Variants in GRM7 observed in about 807,000 individuals in gnomAD.
GRM7 encodes the protein metabotropic glutamate receptor 7.
A neutral mutation model predicts 84.5 loss-of-function variants in GRM7; 35 were observed. The observed-to-expected ratio is 0.41, with a 90% CI of 0.32 to 0.55. The LOEUF (loss-of-function observed/expected upper bound fraction) is 0.55, where lower values mean the gene tolerates loss of function less well. Ranked by LOEUF, GRM7 falls within the 20% of genes least tolerant of loss-of-function variation. The probability of loss-of-function intolerance (pLI) is 0.19; values close to 1 mark genes in which losing one functional copy is unlikely to be tolerated. For missense variants in GRM7, 1,003 were observed against 1,194.6 expected, an observed-to-expected ratio of 0.84 and a Z score of 2.36; for synonymous variants, 487 against 455.1, an observed-to-expected ratio of 1.07 and a Z score of -0.89.
intron 5 of GRM7, among the ~76,000 whole-genome samples, chr3:7,444,613 G>T (rs1038353487): frequency 1.3e-5 from 2 of 152,028 alleles, no homozygotes; most frequent in Non-Finnish European, 1.5e-5. Context: ...CCTTTCACAT[G>T]TTTGGAGTGT....
In GRM7 at chr3:7,700,112, G is replaced by T. The variant is rs573182781; in HGVS notation, c.2698+19817G>T. On this transcript the variant is annotated intron_variant, in intron 9 of 9. Coordinates refer to ENST00000357716, the MANE Select transcript of GRM7 (RefSeq NM_000844.4). The stretch of plus-strand genomic sequence containing the variant: ...TTTAGCAGAATCATCTAGGACTTTT[G>T]GGAGATCAGATCTCCTTTGGAACCT... 2.0e-5 allele frequency among the ~76,000 whole-genome samples: 3 copies of T among 152,220 alleles called. No individual in the cohort carries two copies. In the East Asian group the frequency reaches 5.8e-4, roughly 29 times the overall value.
intron 4 of GRM7, among the ~76,000 whole-genome samples, chr3:7,352,041 C>G (rs1356783710): frequency 5.7e-5 from 7 of 123,160 alleles, no homozygotes; most frequent in Admixed American, 3.8e-4. Context: ...CTCTCTCTCT[C>G]ACACACACAC....
intron 4 of GRM7, among the ~76,000 whole-genome samples, chr3:7,402,085 C>T (rs9815565): frequency 2.4e-4 from 36 of 152,064 alleles, no homozygotes; most frequent in African/African-American, 8.2e-4. Context: ...GACTCATCTC[C>T]CCAGGCAAAC....
chr3:7,134,800 A>G (rs1351012692), intron 1 of GRM7, among the ~76,000 whole-genome samples: 3 of 152,198 alleles, frequency 2.0e-5, no homozygotes, highest in Admixed American at 1.3e-4. Flanking sequence ...ATTTCCACCT[A>G]TAACAGGTTG....
At chr3:6,957,542 C>T (rs1448080504) in intron 1 of GRM7, among the ~76,000 whole-genome samples, 1 of 152,174 alleles carries the variant, frequency 6.6e-6, no homozygotes, top group African/African-American at 2.4e-5. Context: ...TGTATTTCAC[C>T]TTCGTGTAGG....
Position 6,946,904 on chromosome 3 carries a change from T to A in GRM7, c.519+84997T>A, listed in dbSNP as rs1333052416. Among the ~76,000 whole-genome samples, 8 of 152,352 alleles carry A rather than the reference T, an allele frequency of 5.3e-5. No homozygotes were observed. The East Asian group carries it at 1.5e-3, about 29-fold the overall frequency. ...TTGTGATTTTTGCACATTGATTTTG[T>A]ATCCTGAGACTTTGCTGAAGTTGCT... On this transcript the variant is annotated intron_variant, in intron 1 of 9. Transcript: ENST00000357716.
chr3:7,625,242 T>C (rs1441204998), intron 8 of GRM7, among the ~76,000 whole-genome samples: 1 of 152,076 alleles, frequency 6.6e-6, no homozygotes, highest in East Asian at 1.9e-4. Context: ...ATTTGGAATG[T>C]TGAGGCCAAT....
At chr3:7,327,592 C>G (rs1182653070) in intron 4 of GRM7, among the ~76,000 whole-genome samples, 2 of 152,036 alleles carry the variant, frequency 1.3e-5, no homozygotes, top group African/African-American at 4.8e-5. Flanking sequence ...CCACATTTGC[C>G]TCCAAAAATC....
chr3:7,278,041 A>G (rs945516378), intron 2 of GRM7, among the ~76,000 whole-genome samples: 54 of 152,056 alleles, frequency 3.6e-4, no homozygotes, highest in Admixed American at 1.6e-3. Context: ...GCGGTTGAAT[A>G]TTATATTAAT....
At chr3:6,948,234 C>T (rs1390758065) in intron 1 of GRM7, among the ~76,000 whole-genome samples, 3 of 152,058 alleles carry the variant, frequency 2.0e-5, no homozygotes, top group African/African-American at 4.8e-5. Flanking sequence ...GAATGTGTCC[C>T]AGAGATTCTG....
At chr3:6,891,790 A>T (rs1305941692) in intron 1 of GRM7, among the ~76,000 whole-genome samples, 6 of 152,076 alleles carry the variant, frequency 3.9e-5, no homozygotes. Flanking sequence ...GCCTTGCTAG[A>T]TTGGGGAAGT....
intron 1 of GRM7, among the ~76,000 whole-genome samples, chr3:6,903,097 G>A (rs1371653616): frequency 1.3e-5 from 2 of 151,886 alleles, no homozygotes; most frequent in African/African-American, 2.4e-5. Flanking sequence ...AACACATTGT[G>A]CATCTTTATT....
intron 9 of GRM7, among the ~76,000 whole-genome samples, chr3:7,724,074 C>T (rs1237759047): frequency 6.6e-6 from 1 of 152,072 alleles, no homozygotes; most frequent in Non-Finnish European, 1.5e-5. Context: ...ATGGAAAATA[C>T]GGAGCTGTTG....
intron 1 of GRM7, among the ~76,000 whole-genome samples, chr3:6,890,548 G>A (rs1459820427): frequency 1.3e-5 from 2 of 152,164 alleles, no homozygotes; most frequent in East Asian, 3.8e-4. Flanking sequence ...GGTTTTGAGT[G>A]AGTTTCTTAA....
intron 4 of GRM7, among the ~76,000 whole-genome samples, chr3:7,396,971 T>A (rs1424573186): frequency 6.6e-6 from 1 of 152,112 alleles, no homozygotes; most frequent in Non-Finnish European, 1.5e-5. Flanking sequence ...GAGCCTTTCT[T>A]GTGAATCTTC....
chr3:7,109,451 G>A (rs1352464381), intron 1 of GRM7, among the ~76,000 whole-genome samples: 1 of 152,098 alleles, frequency 6.6e-6, no homozygotes, highest in African/African-American at 2.4e-5. Context: ...TCCACGGTAT[G>A]GGTTTAGTTA....
At chr3:6,994,829 A>T (rs1694776603) in intron 1 of GRM7, among the ~76,000 whole-genome samples, 1 of 152,146 alleles carries the variant, frequency 6.6e-6, no homozygotes, top group African/African-American at 2.4e-5. Flanking sequence ...TTTCATGGTG[A>T]ACTTGTGCAT....
chr3:7,547,428 G>C (rs993965835), intron 7 of GRM7, among the ~76,000 whole-genome samples: 3 of 151,870 alleles, frequency 2.0e-5, no homozygotes, highest in Non-Finnish European at 4.4e-5. Context: ...GGATGGTCTC[G>C]ATCTCCTGAC....
intron 5 of GRM7, among the ~76,000 whole-genome samples, chr3:7,418,404 C>A (rs1241260070): frequency 6.6e-6 from 1 of 152,140 alleles, no homozygotes; most frequent in African/African-American, 2.4e-5. Flanking sequence ...ACACAACTTC[C>A]ATTTGACAGG....
Sources: allele counts gnomAD v4.1 joint callset (sites outside exome capture counted in the v4.1 genomes callset), GRCh38; gene constraint gnomAD v4.1.1; transcripts MANE v1.5; gene names NCBI Gene and HGNC (gene_info 2026-07-23, HGNC 2026-07-21).